Variants in SPIDR observed in about 807,000 individuals in gnomAD.
SPIDR encodes the protein DNA repair-scaffolding protein.
SPIDR carries 93 observed loss-of-function variants against 104.6 expected under a neutral mutation model. The observed-to-expected ratio is 0.89, with a 90% CI of 0.75 to 1.06. The LOEUF is 1.06. SPIDR is among the 50% of genes least tolerant of loss of function. The pLI is 0.00. For missense variants in SPIDR, 1,154 were observed against 1,111.2 expected, an observed-to-expected ratio of 1.04 and a Z score of -0.55; for synonymous variants, 431 against 416.9, an observed-to-expected ratio of 1.03 and a Z score of -0.41.
intron 5 of SPIDR, among the ~76,000 whole-genome samples, chr8:47,390,240 T>G (rs2060419912): frequency 6.6e-6 from 1 of 152,118 alleles, no homozygotes. Flanking sequence ...GAATGGACTG[T>G]CCAAGAATCC....
At chr8:47,331,521 C>T (rs1464627508) in intron 5 of SPIDR, among the ~76,000 whole-genome samples, 1 of 152,072 alleles carries the variant, frequency 6.6e-6, no homozygotes, top group Non-Finnish European at 1.5e-5. Context: ...AAAAGATAAA[C>T]AGTGGTATAC....
At chr8:47,324,110 T>A (rs1302757584) in intron 5 of SPIDR, among the ~76,000 whole-genome samples, 1 of 152,114 alleles carries the variant, frequency 6.6e-6, no homozygotes, top group Admixed American at 6.6e-5. Flanking sequence ...TAATAAAAAA[T>A]TTCTTATGAA....
chr8:47,335,498 T>G (rs782055963), intron 5 of SPIDR, among the ~76,000 whole-genome samples: 7 of 152,240 alleles, frequency 4.6e-5, no homozygotes, highest in Non-Finnish European at 8.8e-5. Context: ...TTGCCCAGGC[T>G]GGAGTGCAGT....
At chr8:47,584,254 A>G (rs1274698012) in intron 8 of SPIDR, among the ~76,000 whole-genome samples, 1 of 152,222 alleles carries the variant, frequency 6.6e-6, no homozygotes, top group Non-Finnish European at 1.5e-5. Context: ...GGATCTACTT[A>G]GATTAATGCT....
intron 6 of SPIDR, among the ~76,000 whole-genome samples, chr8:47,405,553 G>T (rs1197235962): frequency 6.6e-6 from 1 of 151,858 alleles, no homozygotes; most frequent in Non-Finnish European, 1.5e-5. Flanking sequence ...TCTCCATATT[G>T]TTTTTATAGA....
At position 47,320,784 on chromosome 8, in the gene SPIDR, A is replaced by T. The variant is rs956540226; in HGVS notation, c.525+26754A>T. On this transcript the variant is annotated intron_variant, in intron 5 of 19. Transcript: ENST00000297423. ...GGGCTTCATCCCTGGGATGCAAGGCAGGTTCAACATATGCAAATCAATAAA... is the reference window on the plus strand; with the variant it reads ...GGGCTTCATCCCTGGGATGCAAGGCTGGTTCAACATATGCAAATCAATAAA... Among the ~76,000 whole-genome samples the T allele has an allele frequency of 2.3e-4, 35 of 152,216 alleles. 1 individual carries two copies. The highest frequency in any genetic ancestry group is 4.1e-4 in the South Asian group (2 of 4,824).
chr8:47,359,839 A>G (rs1454154714), intron 5 of SPIDR, among the ~76,000 whole-genome samples: 3 of 152,242 alleles, frequency 2.0e-5, no homozygotes, highest in African/African-American at 4.8e-5. Flanking sequence ...AGAACAAGCT[A>G]TGATACTGTG....
At chr8:47,448,969 C>G (rs1009045640) in intron 8 of SPIDR, among the ~76,000 whole-genome samples, 12 of 152,016 alleles carry the variant, frequency 7.9e-5, no homozygotes, top group African/African-American at 2.7e-4. Flanking sequence ...GCAGTGTTAA[C>G]AAGCTGAGAT....
At chr8:47,620,067 C>G (rs1425244932) in intron 10 of SPIDR, among the ~76,000 whole-genome samples, 1 of 152,106 alleles carries the variant, frequency 6.6e-6, no homozygotes, top group East Asian at 1.9e-4. Flanking sequence ...GTGTTCTATT[C>G]TAATAGAATG....
At chr8:47,478,993 T>A (rs1446638309) in intron 8 of SPIDR, among the ~76,000 whole-genome samples, 1 of 152,190 alleles carries the variant, frequency 6.6e-6, no homozygotes, top group Non-Finnish European at 1.5e-5. Context: ...TTTCCATTTG[T>A]TCTTTGTTTT....
Position 47,673,790 on chromosome 8 carries a change from G to A in SPIDR, c.1545-11G>A, listed in dbSNP as rs189882805. ...GCCTCCTCAAAGACAAATGTGAATGGTTTTTTACAGAGCCTGCCTTCTGGT... is the reference window on the plus strand; with the variant it reads ...GCCTCCTCAAAGACAAATGTGAATGATTTTTTACAGAGCCTGCCTTCTGGT... On this transcript the variant is annotated splice_polypyrimidine_tract_variant and intron_variant, in intron 10 of 19. Transcript: ENST00000297423. 29 of 1,614,046 alleles carry A rather than the reference G, an allele frequency of 1.8e-5. No homozygotes were observed. The South Asian group carries it at 2.6e-4, about 15-fold the overall frequency.
At chr8:47,338,414 C>T (rs1179718784) in intron 5 of SPIDR, among the ~76,000 whole-genome samples, 1 of 152,178 alleles carries the variant, frequency 6.6e-6, no homozygotes, top group Admixed American at 6.5e-5. Context: ...GTGGAAGATG[C>T]AGCATCATTA....
At chr8:47,491,678 C>G (rs1010444329) in intron 8 of SPIDR, among the ~76,000 whole-genome samples, 2 of 151,886 alleles carry the variant, frequency 1.3e-5, no homozygotes, top group Admixed American at 1.3e-4. Context: ...CTTTGGTGTT[C>G]CAGAAGGGTG....
chr8:47,273,110 G>T (rs1317625520), intron 1 of SPIDR, among the ~76,000 whole-genome samples: 1 of 152,124 alleles, frequency 6.6e-6, no homozygotes, highest in Non-Finnish European at 1.5e-5. Flanking sequence ...ATCCAATTTT[G>T]ATGCTCTCTA....
chr8:47,293,968 T>G lies in SPIDR; in HGVS notation c.463T>G (p.Cys155Gly). 6.2e-7 allele frequency: 1 copy of G among 1,614,192 alleles called. No individual in the cohort carries two copies. Among genetic ancestry groups the G allele is most frequent in the Non-Finnish European group, 8.5e-7 (1 of 1,180,024 alleles). The change falls in exon 5 of 20, where the codon TGT becomes GGT. Residue 155 changes from cysteine (C) to glycine (G), a missense_variant. By Grantham distance (159) the Cys-to-Gly change is radical. Transcript: ENST00000297423. ...DDEGAVEISD[C>G]ASCASNQSLT... The stretch of plus-strand genomic sequence containing the variant: ...CGAGGGTGCTGTGGAAATCTCAGAC[T>G]GTGCTTCTTGTGCAAGTAATCAGTC...
intron 8 of SPIDR, among the ~76,000 whole-genome samples, chr8:47,496,632 G>C (rs866918168): frequency 2.2e-4 from 34 of 151,654 alleles, no homozygotes; most frequent in Admixed American, 1.9e-3. Flanking sequence ...ATACTCATAA[G>C]AGATATGGGT....
rs192708193 is a variant in SPIDR, at chr8:47,333,681, A to T, written c.525+39651A>T. On this transcript the variant is annotated intron_variant, in intron 5 of 19. Transcript: ENST00000297423. ...TAGTACCATAGTCATTATCAAACAC[A>T]TACATAATTATATGTGCTATAGTTT... 2.4e-3 allele frequency among the ~76,000 whole-genome samples: 362 copies of T among 152,322 alleles called. 1 individual carries two copies. The highest frequency in any genetic ancestry group is 7.5e-3 in the South Asian group (36 of 4,826).
chr8:47,414,721 G>A (rs527500873), intron 7 of SPIDR, among the ~76,000 whole-genome samples: 95 of 152,230 alleles, frequency 6.2e-4, no homozygotes, highest in Non-Finnish European at 1.1e-3. Context: ...TTAACTGTTC[G>A]TTGACTGAAG....
At chr8:47,348,161 A>G (rs2052577490) in intron 5 of SPIDR, among the ~76,000 whole-genome samples, 1 of 152,122 alleles carries the variant, frequency 6.6e-6, no homozygotes, top group Non-Finnish European at 1.5e-5. Flanking sequence ...AAACTCTCTC[A>G]GCATTTGCTT....
Sources: gnomAD v4.1 joint callset for allele counts (sites outside exome capture counted in the v4.1 genomes callset) on GRCh38, gnomAD v4.1.1 for gene constraint, MANE v1.5 for transcripts, NCBI Gene and HGNC (gene_info 2026-07-23, HGNC 2026-07-21) for gene names.